Variants in GAK observed in about 807,000 individuals in gnomAD.
The protein encoded by GAK is cyclin G associated kinase.
GAK carries 79 observed loss-of-function variants against 143.9 expected under a neutral mutation model. The ratio of observed to expected loss-of-function variants is 0.55; its 90% CI spans 0.46 to 0.66. The LOEUF is 0.66. Among genes scored for constraint, GAK ranks in the 30% least tolerant of loss-of-function variants. The pLI is 0.00. For synonymous variants in GAK, 881 were observed against 765.5 expected (o/e 1.15, Z -2.49); for missense variants, 1,693 against 1,779.7 (o/e 0.95, Z 0.88).
At chr4:917,476 T>C (rs1460925519) in intron 1 of GAK, among the ~76,000 whole-genome samples, 4 of 145,842 alleles carry the variant, frequency 2.7e-5, no homozygotes, top group Admixed American at 6.8e-5. Flanking sequence ...CAGAAAACTC[T>C]AGAAAACACA....
intron 14 of GAK, 49 bp from the exon 15 acceptor site, chr4:882,089 A>G: frequency 6.5e-7 from 1 of 1,547,006 alleles, no homozygotes; most frequent in Non-Finnish European, 8.8e-7. Context: ...CATGCAGGAC[A>G]AGGGCTCGCG....
chr4:922,304 C>T (rs910972886), intron 1 of GAK, among the ~76,000 whole-genome samples: 1 of 152,124 alleles, frequency 6.6e-6, no homozygotes, highest in East Asian at 1.9e-4. Context: ...CACTTGAGGT[C>T]GTGAGTTTGA....
At chr4:906,632 C>T (rs1387673865) in intron 4 of GAK, among the ~76,000 whole-genome samples, 2 of 152,180 alleles carry the variant, frequency 1.3e-5, no homozygotes, top group Admixed American at 6.5e-5. Flanking sequence ...GTGGCATCAT[C>T]CCTGGGGCCT....
intron 6 of GAK, among the ~76,000 whole-genome samples, chr4:897,646 C>T (rs1301325717): frequency 6.6e-6 from 1 of 152,208 alleles, no homozygotes; most frequent in Non-Finnish European, 1.5e-5. Context: ...TTACCTTCAA[C>T]TGCTCTAAAA....
At chr4:914,931 C>T (rs1365046095) in intron 1 of GAK, among the ~76,000 whole-genome samples, 13 of 140,676 alleles carry the variant, frequency 9.2e-5, no homozygotes, top group South Asian at 2.4e-4. Flanking sequence ...TATACGGCCC[C>T]CAACACACAC....
intron 4 of GAK, among the ~76,000 whole-genome samples, chr4:905,975 CA>C (rs1471948161): frequency 3.3e-5 from 5 of 152,374 alleles, no homozygotes; most frequent in South Asian, 2.1e-4. Flanking sequence ...GAGCAGAGGC[CA>C]GGGGGCAAGA....
intron 23 of GAK, among the ~76,000 whole-genome samples, chr4:864,712 A>G (rs541955533): frequency 1.8e-4 from 28 of 152,158 alleles, no homozygotes; most frequent in African/African-American, 6.5e-4. Flanking sequence ...CCGAGACAAG[A>G]CCCATGGGGT....
chr4:855,030 C>T (rs930028945), intron 24 of GAK, among the ~76,000 whole-genome samples: 3 of 152,130 alleles, frequency 2.0e-5, no homozygotes, highest in Non-Finnish European at 2.9e-5. Flanking sequence ...GGCGACAGAG[C>T]GAGGCTCCAT....
intron 5 of GAK, among the ~76,000 whole-genome samples, chr4:900,888 C>A (rs998092829): frequency 3.9e-5 from 6 of 152,054 alleles, no homozygotes; most frequent in African/African-American, 1.4e-4. Flanking sequence ...GGAGCAGGCT[C>A]CACAGCGGTG....
chr4:894,329 C>A (rs76712894), intron 7 of GAK: 7,957 of 233,214 alleles, frequency 0.034, 184 homozygotes, highest in East Asian at 0.074. Context: ...AGGGGTGACA[C>A]CCAGGCCTGC....
intron 10 of GAK, among the ~76,000 whole-genome samples, chr4:889,221 C>A (rs1191582280): frequency 6.6e-6 from 1 of 152,214 alleles, no homozygotes; most frequent in Non-Finnish European, 1.5e-5. Context: ...ACCCTGTCCT[C>A]AGCCTTTCCA....
chr4:905,286 T>C (rs538002423), intron 4 of GAK, among the ~76,000 whole-genome samples: 1 of 152,298 alleles, frequency 6.6e-6, no homozygotes, highest in East Asian at 1.9e-4. Context: ...GCTTCATTCT[T>C]TCTTTGTTTC....
intron 9 of GAK, among the ~76,000 whole-genome samples, chr4:891,264 TTTTC>T (rs1376263628): frequency 6.6e-6 from 1 of 151,814 alleles, no homozygotes; most frequent in Middle Eastern, 3.2e-3. Flanking sequence ...CCCAGGCTTT[TTTTC>T]TTTTTTTTTT....
chr4:918,280 T>C (rs550778736), intron 1 of GAK, among the ~76,000 whole-genome samples: 1 of 152,364 alleles, frequency 6.6e-6, no homozygotes, highest in South Asian at 2.1e-4. Context: ...AACTGACTTC[T>C]AACATAAGAC....
chr4:907,177 A>G (rs1269298153), intron 4 of GAK, among the ~76,000 whole-genome samples: 1 of 152,162 alleles, frequency 6.6e-6, no homozygotes, highest in Non-Finnish European at 1.5e-5. Flanking sequence ...GCCACGCTAG[A>G]ATCGACTCAC....
intron 4 of GAK, among the ~76,000 whole-genome samples, chr4:906,539 A>C (rs1721117854): frequency 6.6e-6 from 1 of 152,042 alleles, no homozygotes; most frequent in Non-Finnish European, 1.5e-5. Flanking sequence ...TGCAGCCCCC[A>C]CAGACGTGCA....
intron 6 of GAK, among the ~76,000 whole-genome samples, chr4:896,919 G>A (rs1378085163): frequency 6.6e-6 from 1 of 152,270 alleles, no homozygotes; most frequent in Non-Finnish European, 1.5e-5. Context: ...ACCCAGAGCA[G>A]CTTCTGTGAC....
intron 3 of GAK, chr4:912,116 T>G (rs546735793): frequency 1.1e-5 from 5 of 463,820 alleles, no homozygotes; most frequent in South Asian, 7.7e-5. Context: ...GGCTGCGGCG[T>G]GGCTGTGTCC....
chr4:899,483 G>A (rs573010859), intron 5 of GAK, among the ~76,000 whole-genome samples: 7 of 152,166 alleles, frequency 4.6e-5, no homozygotes, highest in South Asian at 2.1e-4. Context: ...GAAGGTGCTC[G>A]GCATGCACGC....
Sources: allele counts gnomAD v4.1 joint callset (sites outside exome capture counted in the v4.1 genomes callset), GRCh38; gene constraint gnomAD v4.1.1; transcripts MANE v1.5; gene names NCBI Gene and HGNC (gene_info 2026-07-23, HGNC 2026-07-21).